TMEM132B: variants seen among roughly 807,000 people sequenced by gnomAD.
TMEM132B encodes the protein transmembrane protein 132B.
Under a neutral mutation model 90.8 loss-of-function variants are expected in TMEM132B, and 18 were observed. That is an observed-to-expected ratio of 0.20 (90% CI 0.14 to 0.29). The LOEUF (loss-of-function observed/expected upper bound fraction) is 0.29, where lower values mean the gene tolerates loss of function less well. Among genes scored for constraint, TMEM132B ranks in the 10% least tolerant of loss-of-function variants. TMEM132B has a pLI of 1.00. For missense variants in TMEM132B, 1,096 were observed against 1,326.8 expected, an observed-to-expected ratio of 0.83 and a Z score of 2.70; for synonymous variants, 504 against 523.3, an observed-to-expected ratio of 0.96 and a Z score of 0.50.
intron 1 of TMEM132B, among the ~76,000 whole-genome samples, chr12:125,226,180 C>T (rs531088642): frequency 6.6e-6 from 1 of 152,328 alleles, no homozygotes; most frequent in Non-Finnish European, 1.5e-5. Flanking sequence ...AGCTTGCTCT[C>T]AGCTAAGGGT....
chr12:125,374,546 C>T (rs1878417123), intron 2 of TMEM132B, among the ~76,000 whole-genome samples: 1 of 152,042 alleles, frequency 6.6e-6, no homozygotes, highest in South Asian at 2.1e-4. Flanking sequence ...GTGAGGCTCA[C>T]AGAGAGGGAT....
At chr12:125,610,861 T>C (rs1885808988) in intron 5 of TMEM132B, among the ~76,000 whole-genome samples, 1 of 152,138 alleles carries the variant, frequency 6.6e-6, no homozygotes, top group African/African-American at 2.4e-5. Flanking sequence ...TTTATATGAC[T>C]TCTTTGGTTT....
At chr12:125,430,896 G>A (rs1880480083) in intron 3 of TMEM132B, among the ~76,000 whole-genome samples, 1 of 152,158 alleles carries the variant, frequency 6.6e-6, no homozygotes, top group Non-Finnish European at 1.5e-5. Flanking sequence ...GGTCAGGGAG[G>A]GCCTCTCTGA....
At chr12:125,482,497 T>A (rs1313595054) in intron 3 of TMEM132B, among the ~76,000 whole-genome samples, 1 of 152,048 alleles carries the variant, frequency 6.6e-6, no homozygotes, top group Non-Finnish European at 1.5e-5. Flanking sequence ...AACAGACACA[T>A]GGAAAAATGC....
intron 4 of TMEM132B, among the ~76,000 whole-genome samples, chr12:125,554,706 A>G (rs2136772090): frequency 6.6e-6 from 1 of 152,052 alleles, no homozygotes; most frequent in East Asian, 1.9e-4. Context: ...TTTCTCATTT[A>G]TGTTGCTGAG....
At chr12:125,292,381 G>A (rs1288913500) in intron 1 of TMEM132B, among the ~76,000 whole-genome samples, 2 of 152,204 alleles carry the variant, frequency 1.3e-5, no homozygotes, top group African/African-American at 4.8e-5. Flanking sequence ...TTTGGAGCTG[G>A]TGGCCTACAG....
At chr12:125,441,632 A>G (rs1481767225) in intron 3 of TMEM132B, among the ~76,000 whole-genome samples, 3 of 152,224 alleles carry the variant, frequency 2.0e-5, no homozygotes, top group South Asian at 2.1e-4. Context: ...CTGACAGAGT[A>G]GCCCAATGTG....
At chr12:125,469,258 T>C (rs1881649193) in intron 3 of TMEM132B, among the ~76,000 whole-genome samples, 3 of 152,194 alleles carry the variant, frequency 2.0e-5, no homozygotes, top group Admixed American at 2.0e-4. Flanking sequence ...TTCCCTCTAC[T>C]CCTAGTTCTC....
At position 125,592,597 on chromosome 12, in the gene TMEM132B, A is replaced by C. The variant is rs533649482; in HGVS notation, c.1437+8603A>C. 7.2e-5 allele frequency among the ~76,000 whole-genome samples: 11 copies of C among 152,284 alleles called. No individual in the cohort carries two copies. In the East Asian group the frequency reaches 1.5e-3, roughly 21 times the overall value. On this transcript the variant is annotated intron_variant, in intron 5 of 8. Transcript: ENST00000682704. ...CAGTGTGTGGGGAGCTGGTCACTAGATAAAGCCTGATGGAAAACATCAGCA... is the reference window on the plus strand; with the variant it reads ...CAGTGTGTGGGGAGCTGGTCACTAGCTAAAGCCTGATGGAAAACATCAGCA...
chr12:125,486,394 T>C (rs1268726351), intron 3 of TMEM132B, among the ~76,000 whole-genome samples: 1 of 152,206 alleles, frequency 6.6e-6, no homozygotes, highest in Non-Finnish European at 1.5e-5. Flanking sequence ...GATTAAATCT[T>C]GGACCTGCCA....
intron 5 of TMEM132B, among the ~76,000 whole-genome samples, chr12:125,589,317 C>T (rs1050314298): frequency 6.6e-6 from 1 of 151,776 alleles, no homozygotes; most frequent in East Asian, 1.9e-4. Context: ...CCTGTCTCTA[C>T]TAAAAATACA....
intron 5 of TMEM132B, among the ~76,000 whole-genome samples, chr12:125,598,081 T>TGCTATGATG (rs1205858689): frequency 1.3e-5 from 2 of 152,192 alleles, no homozygotes; most frequent in Admixed American, 1.3e-4. Flanking sequence ...GCTAGAGAAC[T>TGCTATGATG]GCTATGATGA....
At chr12:125,475,206 G>A (rs117117691) in intron 3 of TMEM132B, among the ~76,000 whole-genome samples, 5,966 of 152,208 alleles carry the variant, frequency 0.039, 178 homozygotes, top group Non-Finnish European at 0.061. Flanking sequence ...TGCCTGACTC[G>A]CAAACAATCA....
intron 5 of TMEM132B, among the ~76,000 whole-genome samples, chr12:125,624,023 C>T (rs1476828122): frequency 6.6e-6 from 1 of 152,210 alleles, no homozygotes; most frequent in Admixed American, 6.5e-5. Context: ...GATCCCCATT[C>T]TGCCCACCCT....
intron 2 of TMEM132B, among the ~76,000 whole-genome samples, chr12:125,374,107 T>C (rs325087): frequency 0.4 from 61,386 of 152,142 alleles, 14,379 homozygotes; most frequent in East Asian, 0.87. Flanking sequence ...GAGCATAGGA[T>C]TTTACTTTTG....
At chr12:125,422,214 C>T (rs388691) in intron 3 of TMEM132B, among the ~76,000 whole-genome samples, 4,372 of 152,186 alleles carry the variant, frequency 0.029, 225 homozygotes, top group African/African-American at 0.1. Flanking sequence ...GGATATGGAA[C>T]GTTATTATTA....
At chr12:125,615,668 T>G (rs957357) in intron 5 of TMEM132B, among the ~76,000 whole-genome samples, 60,139 of 152,020 alleles carry the variant, frequency 0.4, 12,157 homozygotes, top group African/African-American at 0.45. Flanking sequence ...TGTCTTTAAA[T>G]ATATTTCTAC....
chr12:125,589,841 C>T (rs2136889314), intron 5 of TMEM132B, among the ~76,000 whole-genome samples: 1 of 152,220 alleles, frequency 6.6e-6, no homozygotes, highest in African/African-American at 2.4e-5. Flanking sequence ...CCAGGCCCCA[C>T]CTCCAACATT....
chr12:125,279,167 G>A lies in TMEM132B; in HGVS notation c.68-70285G>A, dbSNP rs1212304363. 2.0e-5 allele frequency among the ~76,000 whole-genome samples: 3 copies of A among 152,156 alleles called. No homozygotes were observed. In the East Asian group the frequency reaches 5.8e-4, roughly 29 times the overall value. ...ATCACATGTCCTTCTGAGCTCCAGG[G>A]TCCTCATCTGTGATTGGCTGACTCC... On this transcript the variant is annotated intron_variant, in intron 1 of 8. Transcript: ENST00000682704.
Sources: allele counts gnomAD v4.1 joint callset (sites outside exome capture counted in the v4.1 genomes callset), GRCh38; gene constraint gnomAD v4.1.1; transcripts MANE v1.5; gene names NCBI Gene and HGNC (gene_info 2026-07-23, HGNC 2026-07-21).